The following NLGN4X variants were observed in gnomAD, a reference collection of about 807,000 sequenced individuals.
NLGN4X encodes neuroligin 4 X-linked, also known as neuroligin-4, X-linked.
A neutral mutation model predicts 40.3 loss-of-function variants in NLGN4X; 3 were observed. The ratio of observed to expected loss-of-function variants is 0.07; its 90% CI spans 0.03 to 0.19. The LOEUF (loss-of-function observed/expected upper bound fraction) is 0.19. Among genes scored for constraint, NLGN4X ranks in the 10% least tolerant of loss-of-function variants. The pLI is 1.00. For synonymous variants in NLGN4X, 270 were observed against 306.8 expected (o/e 0.88, Z 1.25); for missense variants, 382 against 708.3 (o/e 0.54, Z 5.23).
chrX:6,135,607 T>A (rs1165101624), intron 2 of NLGN4X, among the ~76,000 whole-genome samples: 1 of 111,568 alleles, frequency 9.0e-6, no homozygotes. Context: ...AGAGTATACA[T>A]AACCCAAGCA....
chrX:6,057,284 G>A (rs1602147303), intron 2 of NLGN4X, among the ~76,000 whole-genome samples: 1 of 111,717 alleles, frequency 9.0e-6, no homozygotes, highest in East Asian at 2.8e-4. Context: ...AAACCTTAAC[G>A]TGAGAAAAGA....
At chrX:6,083,299 C>T (rs1352407774) in intron 2 of NLGN4X, among the ~76,000 whole-genome samples, 3 of 110,936 alleles carry the variant, frequency 2.7e-5, no homozygotes, top group Non-Finnish European at 5.7e-5. Context: ...GGTTCACTCT[C>T]TTGAGCTCTT....
intron 2 of NLGN4X, among the ~76,000 whole-genome samples, chrX:6,108,526 A>AT (rs1192399645): frequency 4.0e-4 from 44 of 110,060 alleles, no homozygotes; most frequent in African/African-American, 1.4e-3. Flanking sequence ...AAATAAATAA[A>AT]AAATTGGCTG....
intron 3 of NLGN4X, among the ~76,000 whole-genome samples, chrX:6,015,147 G>A (rs2036360482): frequency 9.0e-6 from 1 of 111,650 alleles, no homozygotes; most frequent in African/African-American, 3.3e-5. Context: ...CTTGTCTGTC[G>A]TTGTTTTTTC....
chrX:6,116,031 T>G (rs780499808), intron 2 of NLGN4X, among the ~76,000 whole-genome samples: 1 of 109,685 alleles, frequency 9.1e-6, no homozygotes, highest in African/African-American at 3.3e-5. Flanking sequence ...CGGTGGCTCA[T>G]GTCTGTAATC....
At chrX:6,095,112 T>C (rs1315897702) in intron 2 of NLGN4X, among the ~76,000 whole-genome samples, 3 of 52,950 alleles carry the variant, frequency 5.7e-5, no homozygotes, top group East Asian at 4.5e-4. Context: ...CGTGTGTGTG[T>C]GTGTGTGTGT....
intron 3 of NLGN4X, among the ~76,000 whole-genome samples, chrX:6,007,153 T>C (rs1302177053): frequency 8.9e-6 from 1 of 111,981 alleles, no homozygotes; most frequent in Non-Finnish European, 1.9e-5. Flanking sequence ...AATGAAATTA[T>C]GTCTTTTGCA....
At position 5,975,714 on chromosome X, in the gene NLGN4X, A is replaced by C. The variant is rs538764575; in HGVS notation, c.625+53566T>G. Among the ~76,000 whole-genome samples, 9 of 110,652 alleles carry C rather than the reference A, an allele frequency of 8.1e-5. No homozygotes were observed. The South Asian group carries it at 3.4e-3, about 42-fold the overall frequency. On this transcript the variant is annotated intron_variant, in intron 3 of 5. Transcript: ENST00000381095. ...ACTTTTTATACTGTTGGATACTTAT[A>C]ATAAAAACTTTTACTAGGGTACTGA...
At chrX:6,145,387 T>G (rs768386204) in intron 2 of NLGN4X, among the ~76,000 whole-genome samples, 1 of 112,409 alleles carries the variant, frequency 8.9e-6, no homozygotes, top group African/African-American at 3.2e-5. Context: ...TGTCCTTGGA[T>G]TCAATGCTTC....
chrX:6,093,068 A>G (rs1288638811), intron 2 of NLGN4X, among the ~76,000 whole-genome samples: 2 of 109,871 alleles, frequency 1.8e-5, no homozygotes, highest in Non-Finnish European at 3.8e-5. Context: ...AAAAAAATCA[A>G]TATTGACATG....
chrX:6,070,309 A>T (rs1422737314), intron 2 of NLGN4X, among the ~76,000 whole-genome samples: 1 of 112,334 alleles, frequency 8.9e-6, no homozygotes, highest in Non-Finnish European at 1.9e-5. Flanking sequence ...AAAAATGCAT[A>T]TAACACTTCA....
intron 2 of NLGN4X, among the ~76,000 whole-genome samples, chrX:6,082,514 CT>C (rs1009479022): frequency 9.0e-6 from 1 of 111,069 alleles, no homozygotes; most frequent in Admixed American, 9.6e-5. Context: ...GCAATCCAGC[CT>C]GGGTGACAGA....
chrX:5,918,274 A>G (rs1413408287), intron 3 of NLGN4X, among the ~76,000 whole-genome samples: 2 of 112,072 alleles, frequency 1.8e-5, no homozygotes, highest in Non-Finnish European at 3.8e-5. Flanking sequence ...ATTAAGATAC[A>G]TTTTTGTACT....
At chrX:6,007,531 G>C (rs1364972919) in intron 3 of NLGN4X, among the ~76,000 whole-genome samples, 1 of 111,873 alleles carries the variant, frequency 8.9e-6, no homozygotes, top group African/African-American at 3.2e-5. Context: ...TTAAAACATT[G>C]TATTATTTTG....
intron 1 of NLGN4X, among the ~76,000 whole-genome samples, chrX:6,170,278 T>A (rs988634428): frequency 3.6e-5 from 4 of 111,628 alleles, no homozygotes; most frequent in Admixed American, 9.5e-5. Flanking sequence ...TAAATTCAAG[T>A]AAGAATCTGA....
intron 2 of NLGN4X, among the ~76,000 whole-genome samples, chrX:6,064,756 T>C (rs1356081036): frequency 9.0e-6 from 1 of 111,357 alleles, no homozygotes; most frequent in Non-Finnish European, 1.9e-5. Flanking sequence ...GCATTCTCAT[T>C]ACTGGATATC....
At chrX:6,203,703 G>A (rs767767395) in intron 1 of NLGN4X, among the ~76,000 whole-genome samples, 1 of 112,311 alleles carries the variant, frequency 8.9e-6, no homozygotes, top group South Asian at 3.7e-4. Context: ...CTCCAACACC[G>A]TCATAAAACT....
chrX:6,111,206 T>C (rs2147528161), intron 2 of NLGN4X, among the ~76,000 whole-genome samples: 1 of 112,229 alleles, frequency 8.9e-6, no homozygotes, highest in South Asian at 3.7e-4. Flanking sequence ...TCTTGTTATA[T>C]AGTCTGAATG....
chrX:6,215,544 C>T, intron 1 of NLGN4X, among the ~76,000 whole-genome samples: 1 of 82,953 alleles, frequency 1.2e-5, no homozygotes, highest in Middle Eastern at 5.9e-3. Context: ...AGCGAAACTC[C>T]GTCTCAAAAA....
Sources: gnomAD v4.1 joint callset for allele counts (sites outside exome capture counted in the v4.1 genomes callset) on GRCh38, gnomAD v4.1.1 for gene constraint, MANE v1.5 for transcripts, NCBI Gene and HGNC (gene_info 2026-07-23, HGNC 2026-07-21) for gene names.